The following SYTL4 variants were observed in gnomAD, a reference collection of about 807,000 sequenced individuals.
SYTL4 encodes synaptotagmin like 4.
Under a neutral mutation model 52.7 loss-of-function variants are expected in SYTL4, and 16 were observed. The observed-to-expected ratio is 0.30, with a 90% CI of 0.21 to 0.46. The LOEUF (loss-of-function observed/expected upper bound fraction) is 0.46. Among genes scored for constraint, SYTL4 ranks in the 20% least tolerant of loss-of-function variants. The pLI is 1.00. For missense variants in SYTL4, 423 were observed against 519.9 expected, an observed-to-expected ratio of 0.81 and a Z score of 1.81; for synonymous variants, 160 against 186.6, an observed-to-expected ratio of 0.86 and a Z score of 1.16.
At chrX:100,686,991 G>A (rs1447759365) in intron 14 of SYTL4, 76 bp downstream of exon 14, 7 of 1,086,867 alleles carry the variant, frequency 6.4e-6, no homozygotes, top group African/African-American at 3.7e-5. Context: ...GATAAGCTCT[G>A]TTCAAGAGTG....
intron 8 of SYTL4, among the ~76,000 whole-genome samples, chrX:100,699,323 C>T (rs750324035): frequency 5.9e-5 from 6 of 101,818 alleles, no homozygotes; most frequent in African/African-American, 1.4e-4. Context: ...GCCGAGATGG[C>T]GCCACTGCAC....
intron 4 of SYTL4, among the ~76,000 whole-genome samples, 155 bp from the exon 5 acceptor site, chrX:100,702,262 A>C (rs1193419588): frequency 8.9e-6 from 1 of 111,784 alleles, no homozygotes; most frequent in African/African-American, 3.3e-5. Context: ...TCCCATCCGA[A>C]ACATGCCCTG....
intron 8 of SYTL4, among the ~76,000 whole-genome samples, chrX:100,697,380 C>T (rs753401580): frequency 8.9e-6 from 1 of 112,178 alleles, no homozygotes; most frequent in Non-Finnish European, 1.9e-5. Context: ...TAAATTGTTT[C>T]AAGTTAAGGT....
intron 4 of SYTL4, among the ~76,000 whole-genome samples, 156 bp downstream of exon 4, chrX:100,702,937 T>C (rs2083886095): frequency 1.8e-5 from 2 of 112,232 alleles, no homozygotes. Context: ...GCAGTATACA[T>C]GGGAAATTTC....
chrX:100,724,001 T>C (rs1291549490), intron 2 of SYTL4, among the ~76,000 whole-genome samples: 7 of 83,679 alleles, frequency 8.4e-5, no homozygotes, highest in African/African-American at 3.7e-4. Context: ...AGCCGCCCCG[T>C]CCGGGAGGGA....
intron 9 of SYTL4, 119 bp downstream of exon 9, chrX:100,690,989 T>C (rs1228502566): frequency 2.0e-5 from 11 of 538,734 alleles, no homozygotes; most frequent in Middle Eastern, 4.8e-4. Flanking sequence ...AGACTTCTGT[T>C]GAGGACAGAG....
At chrX:100,714,856 A>C (rs2084167330) in intron 2 of SYTL4, among the ~76,000 whole-genome samples, 1 of 112,102 alleles carries the variant, frequency 8.9e-6, no homozygotes, top group African/African-American at 3.2e-5. Flanking sequence ...AGAAGTTAGA[A>C]TCAGATGTTC....
chrX:100,704,580 G>A (rs2083919512), intron 3 of SYTL4, among the ~76,000 whole-genome samples: 1 of 112,315 alleles, frequency 8.9e-6, no homozygotes, highest in African/African-American at 3.2e-5. Context: ...AGCAATAGAA[G>A]ATGTAAGGAA....
In SYTL4 at chrX:100,686,736, T is replaced by C; in HGVS notation, c.1230A>G (p.Lys410=). The C allele has an allele frequency of 1.7e-6, 2 of 1,211,106 alleles. No individual in the cohort carries two copies. Reference sequence around the variant, plus strand: ...TGTCCCGCTTGATGCTGGTTTTTCTTTTTCCTTGGCGGGACTTGTCAGGCA... The same window carrying C: ...TGTCCCGCTTGATGCTGGTTTTTCTCTTTCCTTGGCGGGACTTGTCAGGCA... ...YLLPDKSRQG[K]RKTSIKRDTI... is the part of the protein sequence containing the mutation. Residue 410 remains lysine (K), a synonymous_variant, in exon 15 of 20, where the codon AAA becomes AAG. Coordinates refer to ENST00000372989, the MANE Select transcript of SYTL4 (RefSeq NM_001370165.1).
intron 8 of SYTL4, among the ~76,000 whole-genome samples, chrX:100,697,690 A>T (rs1398803647): frequency 1.8e-5 from 2 of 111,895 alleles, no homozygotes; most frequent in Non-Finnish European, 3.8e-5. Flanking sequence ...AAAGAAGATT[A>T]GAGCAAAGAA....
intron 3 of SYTL4, among the ~76,000 whole-genome samples, chrX:100,703,933 TAG>T (rs2083906712): frequency 9.0e-6 from 1 of 111,674 alleles, no homozygotes; most frequent in Non-Finnish European, 1.9e-5. Flanking sequence ...CCTTGGGGAG[TAG>T]AATTGGGAAG....
rs934736661 is a variant in SYTL4 at position 100,686,045 on chromosome X, A to G, written c.1394T>C (p.Met465Thr). The G allele has an allele frequency of 2.5e-6, 3 of 1,205,068 alleles. No individual in the cohort carries two copies. In the African/African-American group the frequency reaches 5.3e-5, roughly 21 times the overall value. Residue 465 changes from methionine to threonine, a missense_variant, in exon 16 of 20, where the codon ATG becomes ACG. By Grantham distance (81) the Met-to-Thr change is moderately conservative. Transcript: ENST00000372989. Reference sequence around the variant, plus strand: ...TTTCTTATCAAGCTTCCAGGAATCCATCTGGATCTCTGCCTCTCCAAGGAA... The same window carrying G: ...TTTCTTATCAAGCTTCCAGGAATCCGTCTGGATCTCTGCCTCTCCAAGGAA... ...NTFLGEAEIQ[M>T]DSWKLDKKLD... is the part of the protein sequence containing the mutation.
intron 16 of SYTL4, among the ~76,000 whole-genome samples, chrX:100,683,413 C>T (rs1332044019): frequency 9.1e-6 from 1 of 110,416 alleles, no homozygotes. Flanking sequence ...GCTGGGATTA[C>T]AAGCAGGAGC....
intron 2 of SYTL4, among the ~76,000 whole-genome samples, chrX:100,707,103 A>G (rs1224925722): frequency 9.0e-6 from 1 of 111,536 alleles, no homozygotes; most frequent in Non-Finnish European, 1.9e-5. Context: ...AATGAGCTTG[A>G]TTTAATAGGA....
chrX:100,731,753 G>C (rs2084652003), intron 1 of SYTL4, among the ~76,000 whole-genome samples: 1 of 112,166 alleles, frequency 8.9e-6, no homozygotes, highest in South Asian at 3.8e-4. Context: ...CCTGGAGAAA[G>C]AAAAGTGGCC....
At chrX:100,723,351 A>AC (rs2084383620) in intron 2 of SYTL4, among the ~76,000 whole-genome samples, 1 of 112,210 alleles carries the variant, frequency 8.9e-6, no homozygotes, top group African/African-American at 3.2e-5. Context: ...CCAGCTCCTA[A>AC]CCACGAGTGA....
chrX:100,715,879 A>G (rs2084192131), intron 2 of SYTL4, among the ~76,000 whole-genome samples: 1 of 103,845 alleles, frequency 9.6e-6, no homozygotes, highest in East Asian at 3.1e-4. Context: ...TCAAGGCTAC[A>G]GTGAGCCAAG....
rs372021399 is a variant in SYTL4, at chrX:100,700,987, T to C, written c.449A>G (p.Glu150Gly). 1.7e-5 allele frequency: 21 copies of C among 1,200,946 alleles called. No individual in the cohort carries two copies. The highest frequency in any genetic ancestry group is 2.3e-5 in the Non-Finnish European group (20 of 887,168). ...LRHKPAVSKR[E>G]TVGQSLLHQT... ...ATGAAGGAGGGACTGTCCCACTGTCTCTCTTTTACTCACTTCAAGACAAAG... is the reference window on the plus strand; with the variant it reads ...ATGAAGGAGGGACTGTCCCACTGTCCCTCTTTTACTCACTTCAAGACAAAG... The change falls in exon 8 of 20, where the codon GAG becomes GGG. Residue 150 changes from glutamate (E) to glycine (G), a missense_variant. Coordinates refer to ENST00000372989, the MANE Select transcript of SYTL4 (RefSeq NM_001370165.1).
At chrX:100,702,500 G>A (rs936429171) in intron 4 of SYTL4, among the ~76,000 whole-genome samples, 6 of 112,202 alleles carry the variant, frequency 5.3e-5, no homozygotes, top group Non-Finnish European at 1.1e-4. Context: ...CTGCAGTGAA[G>A]GAGAAAAGCA....
Sources: gnomAD v4.1 joint callset for allele counts (sites outside exome capture counted in the v4.1 genomes callset) on GRCh38, gnomAD v4.1.1 for gene constraint, MANE v1.5 for transcripts, NCBI Gene and HGNC (gene_info 2026-07-23, HGNC 2026-07-21) for gene names.